Variants in PDE11A observed in about 807,000 individuals in gnomAD.
PDE11A encodes dual 3',5'-cyclic-AMP and -GMP phosphodiesterase 11A.
A neutral mutation model predicts 100.5 loss-of-function variants in PDE11A; 100 were observed. The ratio of observed to expected loss-of-function variants is 1.00; its 90% CI spans 0.85 to 1.18. The LOEUF (loss-of-function observed/expected upper bound fraction) is 1.18, where lower values mean the gene tolerates loss of function less well. Among genes scored for constraint, PDE11A ranks in the 50% most tolerant of loss-of-function variants. The pLI, the probability that PDE11A is intolerant of heterozygous loss-of-function variation, is 0.00. For synonymous variants in PDE11A, 381 were observed against 420.8 expected, an observed-to-expected ratio of 0.91 and a Z score of 1.16; for missense variants, 1,141 against 1,152.6, an observed-to-expected ratio of 0.99 and a Z score of 0.15.
intron 1 of PDE11A, among the ~76,000 whole-genome samples, chr2:178,016,175 G>T (rs1286299266): frequency 7.2e-6 from 1 of 138,038 alleles, no homozygotes; most frequent in East Asian, 2.1e-4. Flanking sequence ...TAGAGATGGG[G>T]TTTCACCATA....
intron 2 of PDE11A, among the ~76,000 whole-genome samples, chr2:178,007,448 C>A (rs1006563838): frequency 1.3e-5 from 2 of 152,140 alleles, no homozygotes; most frequent in Non-Finnish European, 2.9e-5. Flanking sequence ...AAAACACAAA[C>A]AAATTGGTGA....
chr2:177,756,857 C>T (rs938732531), intron 10 of PDE11A, among the ~76,000 whole-genome samples: 4 of 152,148 alleles, frequency 2.6e-5, no homozygotes, highest in Non-Finnish European at 4.4e-5. Flanking sequence ...AACAAACAAA[C>T]GAACACATAA....
intron 5 of PDE11A, among the ~76,000 whole-genome samples, chr2:177,862,690 CA>C (rs1286077331): frequency 5.9e-5 from 9 of 151,762 alleles, no homozygotes; most frequent in African/African-American, 2.2e-4. Context: ...GAAGAAAATA[CA>C]AATAAATGGA....
chr2:177,997,628 G>A (rs1027806256), intron 2 of PDE11A: 53 of 1,313,404 alleles, frequency 4.0e-5, no homozygotes, highest in African/African-American at 3.0e-4. Flanking sequence ...TGCAGGCCTC[G>A]TGCAAAGTAT....
At chr2:177,875,022 G>T (rs974254246) in intron 5 of PDE11A, among the ~76,000 whole-genome samples, 1 of 152,052 alleles carries the variant, frequency 6.6e-6, no homozygotes, top group African/African-American at 2.4e-5. Context: ...TCAGGAGTTC[G>T]AAACCAGCCT....
At chr2:177,654,059 A>G (rs1185155724) in intron 19 of PDE11A, among the ~76,000 whole-genome samples, 1 of 152,262 alleles carries the variant, frequency 6.6e-6, no homozygotes, top group Non-Finnish European at 1.5e-5. Flanking sequence ...TGAAAAAAAG[A>G]AATGCAACTT....
At chr2:177,711,906 T>A (rs778021148) in intron 12 of PDE11A, 28 bp from the exon 13 acceptor site, 1 of 1,171,092 alleles carries the variant, frequency 8.5e-7, no homozygotes, top group Non-Finnish European at 1.3e-6. Flanking sequence ...ATGGCAACAG[T>A]CACTACTGGG....
rs114087160 is a variant in PDE11A at position 177,831,112 on chromosome 2, G to A, written c.1500+9139C>T. 8.9e-3 allele frequency among the ~76,000 whole-genome samples: 1,355 copies of A among 152,258 alleles called. 13 individuals are homozygous for A. Among genetic ancestry groups the A allele is most frequent in the East Asian group, 0.059 (307 of 5,180 alleles). On this transcript the variant is annotated intron_variant, in intron 6 of 19. Transcript: ENST00000286063. ...CATTCAGAAGGCAAATAATCACTAT[G>A]GCTCACCTGCTAAGTCTGCTCTGTT...
At position 177,867,052 on chromosome 2, in the gene PDE11A, T is replaced by C. The variant is rs559296786; in HGVS notation, c.1367+8807A>G. On this transcript the variant is annotated intron_variant, in intron 5 of 19. Coordinates refer to ENST00000286063, the MANE Select transcript of PDE11A (RefSeq NM_016953.4). ...TATAGGTGCATAGTAAAGGTAAGTA[T>C]AGTTTCATAAAATATTTGTCTTAGA... 3.9e-5 allele frequency among the ~76,000 whole-genome samples: 6 copies of C among 152,366 alleles called. No individual in the cohort carries two copies. In the East Asian group the frequency reaches 1.2e-3, roughly 29 times the overall value.
chr2:178,053,845 G>A (rs979501972), intron 1 of PDE11A, among the ~76,000 whole-genome samples: 7 of 152,088 alleles, frequency 4.6e-5, no homozygotes, highest in African/African-American at 1.7e-4. Flanking sequence ...ACAAACCACT[G>A]CTCAGGAAAG....
At chr2:177,875,964 T>A in intron 4 of PDE11A, 41 bp from the exon 5 acceptor site, 1 of 1,100,586 alleles carries the variant, frequency 9.1e-7, no homozygotes, top group Non-Finnish European at 1.4e-6. Context: ...CAATTAAAGC[T>A]TTATTGCCGT....
At chr2:177,998,695 C>A in intron 2 of PDE11A, 1 of 1,140,794 alleles carries the variant, frequency 8.8e-7, no homozygotes. Flanking sequence ...TGATAGGCAT[C>A]TTTATGCTGG....
At chr2:177,991,642 G>GATA (rs1487770994) in intron 2 of PDE11A, among the ~76,000 whole-genome samples, 46 of 150,430 alleles carry the variant, frequency 3.1e-4, no homozygotes, top group Non-Finnish European at 5.2e-4. Flanking sequence ...TTCAAAAAAT[G>GATA]ATAATAATAA....
chr2:177,725,549 CA>C lies in PDE11A; in HGVS notation c.2043+2108del, dbSNP rs78880506. The stretch of plus-strand genomic sequence containing the variant: ...TCCTCTTTCTGTGTTAGCATGAATG[CA>C]AAAAAACAAAACCTAAGCCTTCTCC... On this transcript the variant is annotated intron_variant, in intron 12 of 19. Coordinates refer to ENST00000286063, the MANE Select transcript of PDE11A (RefSeq NM_016953.4). Among the ~76,000 whole-genome samples the C allele has an allele frequency of 1.3e-3, 197 of 152,080 alleles. 2 individuals are homozygous for C. The East Asian group carries it at 0.035, about 27-fold the overall frequency.
intron 15 of PDE11A, among the ~76,000 whole-genome samples, chr2:177,685,559 GT>G (rs1208953630): frequency 1.3e-5 from 2 of 149,858 alleles, no homozygotes; most frequent in African/African-American, 2.5e-5. Context: ...TCTTTTTTTT[GT>G]TTTTTTGAGA....
intron 18 of PDE11A, among the ~76,000 whole-genome samples, chr2:177,666,208 T>C (rs911117363): frequency 7.9e-5 from 12 of 152,258 alleles, no homozygotes; most frequent in African/African-American, 2.9e-4. Flanking sequence ...CCTCTTTCAC[T>C]GTTTTCAAGG....
chr2:177,834,323 T>C (rs988113139), intron 6 of PDE11A, among the ~76,000 whole-genome samples: 1 of 152,224 alleles, frequency 6.6e-6, no homozygotes, highest in Non-Finnish European at 1.5e-5. Flanking sequence ...AGACTTTTTC[T>C]GAAGGCAGAG....
At chr2:177,761,023 C>CA (rs1485958980) in intron 10 of PDE11A, among the ~76,000 whole-genome samples, 1 of 151,778 alleles carries the variant, frequency 6.6e-6, no homozygotes, top group African/African-American at 2.4e-5. Flanking sequence ...TTTTGAAGGT[C>CA]AAAAAAATAG....
intron 5 of PDE11A, among the ~76,000 whole-genome samples, chr2:177,850,428 A>C (rs2105646302): frequency 6.6e-6 from 1 of 152,340 alleles, no homozygotes; most frequent in Non-Finnish European, 1.5e-5. Flanking sequence ...AAACCATAAA[A>C]ACCCTAGAAG....
Sources: gnomAD v4.1 joint callset for allele counts (sites outside exome capture counted in the v4.1 genomes callset) on GRCh38, gnomAD v4.1.1 for gene constraint, MANE v1.5 for transcripts, NCBI Gene and HGNC (gene_info 2026-07-23, HGNC 2026-07-21) for gene names.